DMD: variants seen among roughly 807,000 people sequenced by gnomAD.
DMD encodes the protein dystrophin, also known as mutant dystrophin.
DMD carries 63 observed loss-of-function variants against 330.1 expected under a neutral mutation model. The observed-to-expected ratio is 0.19, with a 90% CI of 0.16 to 0.24. The LOEUF (loss-of-function observed/expected upper bound fraction) is 0.24, where lower values mean the gene tolerates loss of function less well. Ranked by LOEUF, DMD falls within the 10% of genes least tolerant of loss-of-function variation. The probability of loss-of-function intolerance (pLI) is 1.00; values close to 1 mark genes in which losing one functional copy is unlikely to be tolerated. For synonymous variants in DMD, 1,223 were observed against 959.8 expected (o/e 1.27, Z -5.07); for missense variants, 3,344 against 2,684.1 (o/e 1.25, Z -5.43).
intron 53 of DMD, among the ~76,000 whole-genome samples, chrX:31,666,611 T>C (rs62587358): frequency 0.044 from 4,972 of 111,841 alleles, 183 homozygotes; most frequent in Admixed American, 0.17. Context: ...AATAAACTAG[T>C]ATAATGACAC....
chrX:32,172,590 T>C (rs868102794), intron 44 of DMD, among the ~76,000 whole-genome samples: 2 of 111,387 alleles, frequency 1.8e-5, no homozygotes, highest in Admixed American at 9.6e-5. Context: ...GGGAGTTATA[T>C]CTGTCACCTA....
Position 32,183,688 on chromosome X carries a change from T to G in DMD, c.6438+33228A>C, listed in dbSNP as rs528116970. Among the ~76,000 whole-genome samples the G allele has an allele frequency of 1.6e-4, 17 of 108,479 alleles. No individual in the cohort carries two copies. The South Asian group carries it at 6.2e-3, about 40-fold the overall frequency. The allele number at this position is 108,479 out of a possible 115,157, so 94.2% of individuals were successfully genotyped here. On this transcript the variant is annotated intron_variant, in intron 44 of 78. Transcript: ENST00000357033. ...TCAGGGCAATTTCAATTTCTGCATT[T>G]TAATAGCTTATCTCTGATATTTGCA... is the stretch of plus-strand genomic sequence containing the variant.
chrX:31,266,593 C>T (rs1461281788), intron 62 of DMD, among the ~76,000 whole-genome samples: 2 of 112,120 alleles, frequency 1.8e-5, no homozygotes, highest in Non-Finnish European at 3.8e-5. Flanking sequence ...GAAGAGGTTC[C>T]CCCACTAGCC....
intron 56 of DMD, among the ~76,000 whole-genome samples, chrX:31,506,559 G>A (rs1305994092): frequency 1.8e-5 from 2 of 112,249 alleles, no homozygotes; most frequent in African/African-American, 6.5e-5. Flanking sequence ...CTATCCTTTT[G>A]TTCCTCCACG....
At chrX:31,322,478 G>T (rs962851145) in intron 62 of DMD, among the ~76,000 whole-genome samples, 1 of 111,715 alleles carries the variant, frequency 9.0e-6, no homozygotes, top group Non-Finnish European at 1.9e-5. Flanking sequence ...TACTAAAAAA[G>T]AATTTTCAAG....
intron 52 of DMD, 57 bp downstream of exon 52, chrX:31,729,574 T>C (rs965507677): frequency 5.5e-6 from 5 of 911,126 alleles, no homozygotes; most frequent in Non-Finnish European, 6.4e-6. Context: ...CTTAAGTTTT[T>C]ATTGAAACTT....
At chrX:31,546,210 T>C (rs1042924381) in intron 55 of DMD, among the ~76,000 whole-genome samples, 2 of 112,643 alleles carry the variant, frequency 1.8e-5, no homozygotes, top group Non-Finnish European at 3.7e-5. Context: ...CCACATACCA[T>C]ATTAAGTGGT....
intron 18 of DMD, among the ~76,000 whole-genome samples, chrX:32,513,242 G>A (rs1277760929): frequency 8.9e-6 from 1 of 112,185 alleles, no homozygotes; most frequent in African/African-American, 3.2e-5. Flanking sequence ...CCTAACTGAA[G>A]TGCCAAGCCA....
At chrX:32,918,264 T>C (rs1331520198) in intron 2 of DMD, among the ~76,000 whole-genome samples, 5 of 111,777 alleles carry the variant, frequency 4.5e-5, no homozygotes, top group Non-Finnish European at 9.4e-5. Flanking sequence ...ATCTGAAAAA[T>C]TTGAGTGCAT....
At chrX:32,590,031 A>T (rs1189178753) in intron 13 of DMD, among the ~76,000 whole-genome samples, 1 of 112,147 alleles carries the variant, frequency 8.9e-6, no homozygotes, top group African/African-American at 3.3e-5. Flanking sequence ...GAAAATCAGA[A>T]TACCTCAAAT....
At chrX:32,320,834 T>C (rs1293125467) in intron 41 of DMD, among the ~76,000 whole-genome samples, 1 of 111,972 alleles carries the variant, frequency 8.9e-6, no homozygotes, top group Non-Finnish European at 1.9e-5. Flanking sequence ...ATTCTAATGC[T>C]GGTATTATAT....
intron 45 of DMD, among the ~76,000 whole-genome samples, chrX:31,962,844 G>A (rs1169704043): frequency 6.3e-5 from 7 of 111,425 alleles, no homozygotes. Flanking sequence ...GCAAGCGGAC[G>A]GGACAGATCC....
chrX:32,988,434 C>T (rs1490485793), intron 2 of DMD, among the ~76,000 whole-genome samples: 1 of 111,795 alleles, frequency 8.9e-6, no homozygotes. Context: ...AATGGAAAAA[C>T]GACCGTGTAT....
chrX:31,902,390 C>T (rs760081101), intron 47 of DMD, among the ~76,000 whole-genome samples: 6 of 111,731 alleles, frequency 5.4e-5, no homozygotes, highest in Non-Finnish European at 7.5e-5. Context: ...CAGTTAACCT[C>T]GCTGAACCTG....
At chrX:32,787,858 G>A (rs761467010) in intron 7 of DMD, among the ~76,000 whole-genome samples, 1 of 110,788 alleles carries the variant, frequency 9.0e-6, no homozygotes, top group Admixed American at 9.7e-5. Context: ...GGAAAGATCA[G>A]TTTTCCCTAC....
chrX:31,988,820 G>A (rs1279982970), intron 44 of DMD, among the ~76,000 whole-genome samples: 1 of 110,336 alleles, frequency 9.1e-6, no homozygotes, highest in Non-Finnish European at 1.9e-5. Context: ...AACCAGAGAG[G>A]GAGAGACTTA....
At chrX:33,086,341 AG>A (rs2095004846) in intron 1 of DMD, among the ~76,000 whole-genome samples, 1 of 112,201 alleles carries the variant, frequency 8.9e-6, no homozygotes, top group African/African-American at 3.2e-5. Flanking sequence ...AATTTTTTAA[AG>A]TTAACCTTGA....
chrX:31,142,757 T>C (rs1227030934), intron 76 of DMD, among the ~76,000 whole-genome samples: 6 of 112,290 alleles, frequency 5.3e-5, no homozygotes, highest in Middle Eastern at 4.6e-3. Flanking sequence ...TGAGAGCCAA[T>C]AGGGGATAAA....
At chrX:33,139,185 C>T (rs2047665995) in intron 1 of DMD, among the ~76,000 whole-genome samples, 1 of 111,135 alleles carries the variant, frequency 9.0e-6, no homozygotes, top group African/African-American at 3.3e-5. Flanking sequence ...GTAGTCCTAG[C>T]TACTGGGGAA....
Sources: gnomAD v4.1 joint callset for allele counts (sites outside exome capture counted in the v4.1 genomes callset) on GRCh38, gnomAD v4.1.1 for gene constraint, MANE v1.5 for transcripts, NCBI Gene and HGNC (gene_info 2026-07-23, HGNC 2026-07-21) for gene names.